Variants in SRMS observed in about 807,000 individuals in gnomAD.
SRMS encodes the protein src-related kinase lacking C-terminal regulatory tyrosine and N-terminal myristylation sites.
Under a neutral mutation model 43.5 loss-of-function variants are expected in SRMS, and 42 were observed. The ratio of observed to expected loss-of-function variants is 0.97; its 90% CI spans 0.75 to 1.25. The LOEUF is 1.25. SRMS is among the 50% of genes most tolerant of loss of function. The pLI, the probability that SRMS is intolerant of heterozygous loss-of-function variation, is 0.00. For synonymous variants in SRMS, 316 were observed against 308.2 expected (o/e 1.03, Z -0.27); for missense variants, 703 against 681.0 (o/e 1.03, Z -0.36).
chr20:63,545,739 C>T (rs373094816), intron 1 of SRMS, among the ~76,000 whole-genome samples: 2 of 152,276 alleles, frequency 1.3e-5, no homozygotes, highest in African/African-American at 4.8e-5. Context: ...GCACTGACTC[C>T]ATGGACGCTC....
chr20:63,544,862 G>A (rs1028737274), intron 1 of SRMS, among the ~76,000 whole-genome samples: 9 of 152,224 alleles, frequency 5.9e-5, no homozygotes, highest in African/African-American at 2.2e-4. Context: ...TGAGGAGGCA[G>A]CCTAAGCCAG....
At position 63,540,681 on chromosome 20, in the gene SRMS, C is replaced by T; in HGVS notation, c.*137G>A. ...TCTGCACGTCTGCCTGGTGCACGAA[C>T]ATGTGTGCACGCCAGGGCCTGAGGC... is the stretch of plus-strand genomic sequence containing the variant. On this transcript the variant is annotated 3_prime_UTR_variant, in exon 8 of 8. Transcript: ENST00000217188. 3 of 1,111,926 alleles carry T rather than the reference C, an allele frequency of 2.7e-6. No individual in the cohort carries two copies. Among genetic ancestry groups the T allele is most frequent in the Non-Finnish European group, 3.8e-6 (3 of 794,322 alleles). The allele number at this position is 1,111,926 out of a possible 1,614,324, so 68.9% of individuals were successfully genotyped here.
chr20:63,544,164 AC>A, intron 2 of SRMS, 62 bp downstream of exon 2: 1 of 1,368,378 alleles, frequency 7.3e-7, no homozygotes, highest in Non-Finnish European at 9.4e-7. Context: ...GAGACCAACC[AC>A]CCCAAGGTCA....
rs1476078532 is a variant in SRMS, at chr20:63,538,815, C to G, written c.*2003G>C. Reference sequence around the variant, plus strand: ...AGACTCTGGGCCCGTGAGTCTATGTCCAGGAAGCCTCGAGTATCCCTGAGT... The same window carrying G: ...AGACTCTGGGCCCGTGAGTCTATGTGCAGGAAGCCTCGAGTATCCCTGAGT... On this transcript the variant is annotated 3_prime_UTR_variant, in exon 8 of 8. Transcript: ENST00000217188. 1.3e-5 allele frequency among the ~76,000 whole-genome samples: 2 copies of G among 152,112 alleles called. No individual in the cohort carries two copies. The highest frequency in any genetic ancestry group is 2.9e-5 in the Non-Finnish European group (2 of 67,988).
In SRMS at chr20:63,541,442, G is replaced by A; in HGVS notation, c.1125C>T (p.Leu375=). ...KVADFGLARL[L]KDDIYSPSSS... ...GGGGCCCAGAGCCTCCGCTGACCTT[G>A]AGCAGCCGGGCCAGGCCGAAGTCAG... The change falls in exon 6 of 8, where the codon CTC becomes CTT. Residue 375 remains leucine (L), a synonymous_variant. Transcript: ENST00000217188. 1 of 1,601,132 alleles carries A rather than the reference G, an allele frequency of 6.2e-7. No homozygotes were observed. The highest frequency in any genetic ancestry group is 8.5e-7 in the Non-Finnish European group (1 of 1,176,974).
chr20:63,543,361 T>C lies in SRMS; in HGVS notation c.598A>G (p.Asn200Asp). ...AGGGGGTTCTGGATCAGCTTCCAGT[T>C]GGCCTTGTAGTAGGTGAGCAGCTCC... ...LEELLTYYKANWKLIQNPLLQ... is the reference protein window; with the variant it reads ...LEELLTYYKADWKLIQNPLLQ... The change falls in exon 3 of 8, where the codon AAC (asparagine) becomes GAC (aspartate). Residue 200 changes from asparagine (N) to aspartate (D), a missense_variant. Asn to Asp is a conservative substitution (Grantham distance 23). Transcript: ENST00000217188. The C allele has an allele frequency of 6.2e-7, 1 of 1,612,788 alleles. No individual in the cohort carries two copies. Among genetic ancestry groups the C allele is most frequent in the Non-Finnish European group, 8.5e-7 (1 of 1,179,958 alleles).
chr20:63,541,348 C>T lies in SRMS; in HGVS notation c.1129-1G>A. ...TGCTGCTCGGGGAGTAGATGTCGTC[C>T]TGGGGGCGAGGGAAGGCCCCTGGTA... is the stretch of plus-strand genomic sequence containing the variant. On this transcript the variant is annotated splice_acceptor_variant, in intron 6 of 7. Coordinates refer to ENST00000217188, the MANE Select transcript of SRMS (RefSeq NM_080823.4). LOFTEE classifies it high-confidence loss of function. The T allele has an allele frequency of 2.6e-6, 4 of 1,542,562 alleles. No homozygotes were observed. Among genetic ancestry groups the T allele is most frequent in the Non-Finnish European group, 3.5e-6 (4 of 1,146,360 alleles).
rs925060614 is a variant in SRMS, at chr20:63,538,716, A to C, written c.*2102T>G. On this transcript the variant is annotated 3_prime_UTR_variant, in exon 8 of 8. Transcript: ENST00000217188. ...GGTCGGTTGGGGAGGATGCAGGGGG[A>C]GGGGTGGGGGGTGGGGAATGCGGAA... 3.2e-4 allele frequency among the ~76,000 whole-genome samples: 3 copies of C among 9,358 alleles called. No homozygotes were observed. The highest frequency in any genetic ancestry group is 4.5e-4 in the African/African-American group (1 of 2,216). The allele number at this position is 9,358 out of a possible 152,430, so 6.1% of individuals were successfully genotyped here.
chr20:63,547,514 G>T lies in SRMS; in HGVS notation c.-51C>A, dbSNP rs374268494. The T allele has an allele frequency of 1.4e-6, 2 of 1,422,362 alleles. No homozygotes were observed. Among genetic ancestry groups the T allele is most frequent in the Non-Finnish European group, 1.8e-6 (2 of 1,084,426 alleles). 88.1% of individuals were successfully genotyped at this position (1,422,362 alleles called of 1,614,324 possible). A position where few individuals can be genotyped will look rare whatever the true frequency, so the allele number is the denominator to read the frequency against. ...GAGGGCCATGGGAGCCCGCGAGCCC[G>T]GAAGAGGAACTGGCAGGGCCGGTGG... is the stretch of plus-strand genomic sequence containing the variant. On this transcript the variant is annotated 5_prime_UTR_variant, in exon 1 of 8. Coordinates refer to ENST00000217188, the MANE Select transcript of SRMS (RefSeq NM_080823.4).
At chr20:63,545,429 C>T (rs1200974440) in intron 1 of SRMS, among the ~76,000 whole-genome samples, 2 of 152,048 alleles carry the variant, frequency 1.3e-5, no homozygotes, top group Non-Finnish European at 2.9e-5. Flanking sequence ...GCAGAGTGAG[C>T]CGGTGTCAGG....
intron 1 of SRMS, among the ~76,000 whole-genome samples, chr20:63,546,771 C>T (rs1297336260): frequency 6.6e-6 from 1 of 152,212 alleles, no homozygotes; most frequent in Non-Finnish European, 1.5e-5. Context: ...CACTGGACTC[C>T]CTGTGTGAGG....
intron 1 of SRMS, among the ~76,000 whole-genome samples, chr20:63,546,855 C>T (rs1306577863): frequency 6.6e-6 from 1 of 152,236 alleles, no homozygotes; most frequent in Non-Finnish European, 1.5e-5. Flanking sequence ...GCAGCTGATG[C>T]TCCCCCCCAC....
In SRMS at chr20:63,540,527, G is replaced by A. The variant is rs1368313511; in HGVS notation, c.*291C>T. 7.9e-5 allele frequency among the ~76,000 whole-genome samples: 12 copies of A among 151,350 alleles called. 1 individual carries two copies. In the South Asian group the frequency reaches 2.5e-3, roughly 32 times the overall value. ...CAGCCCCAGCCCTCCGTCTGCACGA[G>A]TCACACTGCACGGGGAACGTCAGCC... On this transcript the variant is annotated 3_prime_UTR_variant, in exon 8 of 8. Transcript: ENST00000217188.
At position 63,541,364 on chromosome 20, in the gene SRMS, G is replaced by A. The variant is rs2082702667; in HGVS notation, c.1129-17C>T. The A allele has an allele frequency of 6.5e-7, 1 of 1,541,550 alleles. No individual in the cohort carries two copies. ...GATGTCGTCCTGGGGGCGAGGGAAG[G>A]CCCCTGGTAGGGCAGGTGGACCGGG... On this transcript the variant is annotated splice_polypyrimidine_tract_variant and intron_variant, in intron 6 of 7. Coordinates refer to ENST00000217188, the MANE Select transcript of SRMS (RefSeq NM_080823.4).
In SRMS at chr20:63,539,400, C is replaced by T. The variant is rs1022376865; in HGVS notation, c.*1418G>A. Among the ~76,000 whole-genome samples, 1 of 152,222 alleles carries T rather than the reference C, an allele frequency of 6.6e-6. No individual in the cohort carries two copies. The highest frequency in any genetic ancestry group is 2.4e-5 in the African/African-American group (1 of 41,458). On this transcript the variant is annotated 3_prime_UTR_variant, in exon 8 of 8. Transcript: ENST00000217188. ...AGCTCCCTCCTGAGCCAGGCTTTGG[C>T]CGGGGCCTGTGGACGGCAGCCATCA...
chr20:63,540,992 G>T lies in SRMS; in HGVS notation c.1293C>A (p.Thr431=). ...TYGQCPYEGM[T]NHETLQQIMR... ...TGATCTGCTGCAGCGTCTCGTGGTT[G>T]GTCATCCCTGGGAGGCGCGGGGCAA... Residue 431 remains threonine, a synonymous_variant, in exon 8 of 8, where the codon ACC becomes ACA. Transcript: ENST00000217188. The T allele has an allele frequency of 2.5e-6, 4 of 1,608,942 alleles. No homozygotes were observed. The highest frequency in any genetic ancestry group is 3.4e-6 in the Non-Finnish European group (4 of 1,179,488).
At chr20:63,545,579 C>G (rs546781815) in intron 1 of SRMS, among the ~76,000 whole-genome samples, 1 of 152,340 alleles carries the variant, frequency 6.6e-6, no homozygotes, top group African/African-American at 2.4e-5. Context: ...CACAGTCTGG[C>G]ACCCCTGCCC....
chr20:63,547,137 CT>C lies in SRMS; in HGVS notation c.326del (p.Lys109ArgfsTer95), dbSNP rs772785109. 5.0e-6 allele frequency: 8 copies of C among 1,603,316 alleles called. No homozygotes were observed. The African/African-American group carries it at 9.4e-5, about 19-fold the overall frequency. Reference protein sequence around the residue: ...AGLVPITHVAKASPETLSDQP... With the variant: ...AGLVPITHVAXASPETLSDQP... ...GGTCTGAGAGCGTCTCAGGAGAAGCCTTGGCCACGTGGGTGATGGGCACGAG... is the reference window on the plus strand; with the variant it reads ...GGTCTGAGAGCGTCTCAGGAGAAGCCTGGCCACGTGGGTGATGGGCACGAG... On this transcript the variant is annotated frameshift_variant, in exon 1 of 8. Coordinates refer to ENST00000217188, the MANE Select transcript of SRMS (RefSeq NM_080823.4). LOFTEE classifies it high-confidence loss of function.
chr20:63,541,953 G>A (rs971634927), intron 5 of SRMS, among the ~76,000 whole-genome samples: 3 of 151,904 alleles, frequency 2.0e-5, no homozygotes, highest in Non-Finnish European at 2.9e-5. Flanking sequence ...CTCCAGCCCC[G>A]GAGCCACAAG....
Sources: gnomAD v4.1 joint callset for allele counts (sites outside exome capture counted in the v4.1 genomes callset) on GRCh38, gnomAD v4.1.1 for gene constraint, MANE v1.5 for transcripts, NCBI Gene and HGNC (gene_info 2026-07-23, HGNC 2026-07-21) for gene names.